Variants in PLB1 observed in about 807,000 individuals in gnomAD.
PLB1 encodes the protein phospholipase B1, membrane-associated.
PLB1 carries 242 observed loss-of-function variants against 227.4 expected under a neutral mutation model. The observed-to-expected ratio is 1.06, with a 90% CI of 0.96 to 1.18. PLB1 has a LOEUF of 1.18. Among genes scored for constraint, PLB1 ranks in the 50% most tolerant of loss-of-function variants. The probability of loss-of-function intolerance (pLI) is 0.00; values close to 1 mark genes in which losing one functional copy is unlikely to be tolerated. For synonymous variants in PLB1, 757 were observed against 682.2 expected (o/e 1.11, Z -1.71); for missense variants, 1,858 against 1,816.3 (o/e 1.02, Z -0.42).
intron 49 of PLB1, among the ~76,000 whole-genome samples, chr2:28,621,814 G>A (rs1011218442): frequency 2.6e-5 from 4 of 152,134 alleles, no homozygotes; most frequent in African/African-American, 9.7e-5. Context: ...TGCAAAAACT[G>A]GGCTTTATGA....
At position 28,642,992 on chromosome 2, in the gene PLB1, G is replaced by A. The variant is rs1690140455; in HGVS notation, c.4308G>A (p.Val1436=). Residue 1436 remains valine (V), a synonymous_variant, in exon 58 of 58, where the codon GTG becomes GTA. Coordinates refer to ENST00000327757, the MANE Select transcript of PLB1 (RefSeq NM_153021.5). ...TTGTGGTGGGCATCATCGGGACAGT[G>A]GTCTGGAGGTGCAGGAGAGGTGGCC... ...VGLVVGIIGT[V]VWRCRRGGRR... 8 of 1,611,130 alleles carry A rather than the reference G, an allele frequency of 5.0e-6. No individual in the cohort carries two copies. Among genetic ancestry groups the A allele is most frequent in the Non-Finnish European group, 6.8e-6 (8 of 1,178,898 alleles).
intron 43 of PLB1, among the ~76,000 whole-genome samples, chr2:28,612,508 G>C (rs1045209637): frequency 6.6e-6 from 1 of 152,154 alleles, no homozygotes; most frequent in African/African-American, 2.4e-5. Context: ...GGGGCATTTG[G>C]GGGTTGCAAA....
chr2:28,592,490 G>A lies in PLB1; in HGVS notation c.2189-171G>A, dbSNP rs77443109. The stretch of plus-strand genomic sequence containing the variant: ...AGGTCCAGGATTAGTTGTGTCTTAC[G>A]GGAAAACTGTCCTCATATAACTTTG... On this transcript the variant is annotated intron_variant, in intron 31 of 57. Transcript: ENST00000327757. Among the ~76,000 whole-genome samples the A allele has an allele frequency of 4.4e-4, 67 of 152,050 alleles. 1 individual carries two copies. In the East Asian group the frequency reaches 0.011, roughly 25 times the overall value.
chr2:28,562,558 A>G (rs868451512), intron 17 of PLB1, among the ~76,000 whole-genome samples: 7 of 147,766 alleles, frequency 4.7e-5, no homozygotes, highest in Middle Eastern at 3.7e-3. Context: ...AAAAAAAAAA[A>G]AGTCAGTGGC....
intron 11 of PLB1, among the ~76,000 whole-genome samples, chr2:28,540,134 C>T (rs1414971763): frequency 6.0e-5 from 9 of 151,090 alleles, no homozygotes; most frequent in Admixed American, 1.3e-4. Context: ...TCCCTCCATC[C>T]AATACCCACC....
intron 56 of PLB1, among the ~76,000 whole-genome samples, chr2:28,636,689 T>G (rs1487875478): frequency 2.0e-5 from 3 of 152,228 alleles, no homozygotes; most frequent in African/African-American, 7.2e-5. Context: ...AGCAGGGTGA[T>G]GTGACACAGA....
chr2:28,610,563 G>T (rs530571109), intron 43 of PLB1, among the ~76,000 whole-genome samples: 1 of 152,128 alleles, frequency 6.6e-6, no homozygotes, highest in Non-Finnish European at 1.5e-5. Flanking sequence ...AGTCTTCTCA[G>T]TTCCAGCCAC....
At chr2:28,591,514 G>A (rs934804337) in intron 30 of PLB1, among the ~76,000 whole-genome samples, 186 bp from the exon 31 acceptor site, 5 of 152,218 alleles carry the variant, frequency 3.3e-5, no homozygotes, top group African/African-American at 1.2e-4. Flanking sequence ...CTCGATGAGT[G>A]GACCTCGATC....
rs145915421 is a variant in PLB1 at position 28,604,744 on chromosome 2, G to A, written c.2946G>A (p.Gln982=). Residue 982 remains glutamine, a synonymous_variant, in exon 41 of 58, where the codon CAG becomes CAA. Coordinates refer to ENST00000327757, the MANE Select transcript of PLB1 (RefSeq NM_153021.5). ...TGCAGCCCTTCTTCCAGAACATCCA[G>A]CTCCCTGTCCTGGCGGTATGTCCCC... ...VVLQPFFQNI[Q]LPVLADGLPD... 9.3e-6 allele frequency: 15 copies of A among 1,613,994 alleles called. No individual in the cohort carries two copies. The African/African-American group carries it at 1.6e-4, about 17-fold the overall frequency.
At chr2:28,594,999 C>T (rs1020601887) in intron 33 of PLB1, 13 of 152,106 alleles carry the variant, frequency 8.5e-5, no homozygotes, top group African/African-American at 3.1e-4. Flanking sequence ...AAACAAAAAT[C>T]AAGCAGACGA....
intron 44 of PLB1, among the ~76,000 whole-genome samples, chr2:28,615,360 A>G (rs569934770): frequency 2.6e-5 from 4 of 152,354 alleles, no homozygotes; most frequent in African/African-American, 9.6e-5. Context: ...TGGCGGTCTC[A>G]GGAGAGAGTG....
rs572314888 is a variant in PLB1, at chr2:28,626,150, C to T, written c.3580-278C>T. On this transcript the variant is annotated intron_variant, in intron 50 of 57. Transcript: ENST00000327757. ...AGCTGGGATTACAGGCACCTGCCACCAGGCCAGGCTAATTTTTGTATTTTT... is the reference window on the plus strand; with the variant it reads ...AGCTGGGATTACAGGCACCTGCCACTAGGCCAGGCTAATTTTTGTATTTTT... Among the ~76,000 whole-genome samples, 3 of 152,164 alleles carry T rather than the reference C, an allele frequency of 2.0e-5. No homozygotes were observed. The East Asian group carries it at 5.8e-4, about 29-fold the overall frequency.
intron 49 of PLB1, among the ~76,000 whole-genome samples, chr2:28,621,954 C>G (rs1251002309): frequency 2.6e-5 from 4 of 152,174 alleles, no homozygotes; most frequent in Admixed American, 2.0e-4. Context: ...GCCCCTTCTT[C>G]CTTTCTCACT....
intron 53 of PLB1, among the ~76,000 whole-genome samples, chr2:28,629,526 A>C (rs1034161677): frequency 6.6e-6 from 1 of 152,328 alleles, no homozygotes; most frequent in Admixed American, 6.5e-5. Context: ...CAAGGCTGCT[A>C]CATCCAGCCT....
chr2:28,542,940 C>A (rs1298529028), intron 13 of PLB1, among the ~76,000 whole-genome samples: 1 of 152,210 alleles, frequency 6.6e-6, no homozygotes. Flanking sequence ...CCTGCCACCC[C>A]CTCCTTCCAC....
intron 33 of PLB1, 117 bp from the exon 34 acceptor site, chr2:28,597,888 T>C (rs1247645819): frequency 2.0e-6 from 2 of 980,184 alleles, no homozygotes; most frequent in Non-Finnish European, 3.3e-6. Flanking sequence ...GTCTGGCCCA[T>C]CTCAAAGGTG....
At position 28,591,289 on chromosome 2, in the gene PLB1, G is replaced by T. The variant is rs1018475658; in HGVS notation, c.2127+118G>T. On this transcript the variant is annotated intron_variant, in intron 30 of 57. Transcript: ENST00000327757. ...GGCAAGAGTTCTAGATGGGCATAAA[G>T]GCCACCCACCTGACCTTCAGATGGG... 9.3e-6 allele frequency: 12 copies of T among 1,287,572 alleles called. No individual in the cohort carries two copies. In the African/African-American group the frequency reaches 1.6e-4, roughly 17 times the overall value. 79.8% of individuals were successfully genotyped at this position (1,287,572 alleles called of 1,614,324 possible). A position where few individuals can be genotyped will look rare whatever the true frequency, so the allele number is the denominator to read the frequency against.
chr2:28,642,362 A>C (rs1418882387), intron 57 of PLB1, among the ~76,000 whole-genome samples: 2 of 152,148 alleles, frequency 1.3e-5, no homozygotes, highest in Non-Finnish European at 1.5e-5. Flanking sequence ...GGAGAGGGGC[A>C]TAGGAAGGCA....
intron 41 of PLB1, among the ~76,000 whole-genome samples, 153 bp downstream of exon 41, chr2:28,604,912 C>A (rs1342578323): frequency 6.6e-6 from 1 of 152,206 alleles, no homozygotes; most frequent in Admixed American, 6.5e-5. Context: ...ACGCCTGAGC[C>A]ACATCCGTAT....
Sources: gnomAD v4.1 joint callset for allele counts (sites outside exome capture counted in the v4.1 genomes callset) on GRCh38, gnomAD v4.1.1 for gene constraint, MANE v1.5 for transcripts, NCBI Gene and HGNC (gene_info 2026-07-23, HGNC 2026-07-21) for gene names.